The following TOMM20 variants were observed in gnomAD, a reference collection of about 807,000 sequenced individuals.
TOMM20 encodes the protein mitochondrial import receptor subunit TOM20 homolog.
A neutral mutation model predicts 22.1 loss-of-function variants in TOMM20; 10 were observed. That is an observed-to-expected ratio of 0.45 (90% CI 0.28 to 0.77). TOMM20 has a LOEUF of 0.77. Among genes scored for constraint, TOMM20 ranks in the 30% least tolerant of loss-of-function variants. The probability of loss-of-function intolerance (pLI) is 0.13; values close to 1 mark genes in which losing one functional copy is unlikely to be tolerated. For missense variants in TOMM20, 121 were observed against 172.2 expected, an observed-to-expected ratio of 0.70 and a Z score of 1.66; for synonymous variants, 55 against 61.4, an observed-to-expected ratio of 0.90 and a Z score of 0.49.
At chr1:235,124,859 T>C (rs1164046038) in intron 1 of TOMM20, among the ~76,000 whole-genome samples, 1 of 152,242 alleles carries the variant, frequency 6.6e-6, no homozygotes, top group African/African-American at 2.4e-5. Flanking sequence ...TAATGCAGTA[T>C]TTCTGTGATA....
chr1:235,111,912 C>G lies in TOMM20; in HGVS notation c.*152G>C, dbSNP rs1279417157. The G allele has an allele frequency of 1.2e-5, 8 of 692,606 alleles. No individual in the cohort carries two copies. Among genetic ancestry groups the G allele is most frequent in the Non-Finnish European group, 2.0e-5 (8 of 394,066 alleles). 42.9% of individuals were successfully genotyped at this position (692,606 alleles called of 1,614,324 possible). ...CACTGGGAAAAATAAATAAAATAGACAAATGGATCTACACAAAGTAAACAT... is the reference window on the plus strand; with the variant it reads ...CACTGGGAAAAATAAATAAAATAGAGAAATGGATCTACACAAAGTAAACAT... On this transcript the variant is annotated 3_prime_UTR_variant, in exon 5 of 5. Coordinates refer to ENST00000366607, the MANE Select transcript of TOMM20 (RefSeq NM_014765.3).
chr1:235,109,476 C>T lies in TOMM20; in HGVS notation c.*2588G>A, dbSNP rs1467553062. ...ATTTTCTCAATCTCTTCTGCAATAA[C>T]ATCTCATTAACACTCTGGTCCACAT... On this transcript the variant is annotated 3_prime_UTR_variant, in exon 5 of 5. Coordinates refer to ENST00000366607, the MANE Select transcript of TOMM20 (RefSeq NM_014765.3). 6.6e-6 allele frequency: 1 copy of T among 152,220 alleles called. No homozygotes were observed. The highest frequency in any genetic ancestry group is 1.5e-5 in the Non-Finnish European group (1 of 68,030). 9.4% of individuals were successfully genotyped at this position (152,220 alleles called of 1,614,324 possible).
At chr1:235,116,411 T>C (rs1660829031) in intron 3 of TOMM20, among the ~76,000 whole-genome samples, 1 of 151,922 alleles carries the variant, frequency 6.6e-6, no homozygotes, top group East Asian at 1.9e-4. Flanking sequence ...TGGTAGCACG[T>C]GCCTGTAGTC....
rs1487599305 is a variant in TOMM20, at chr1:235,128,624, T to G, written c.92A>C (p.Asp31Ala). ...CIYFDRKRRS[D>A]PNFKNRLRER... ...TCGAAGCCTGTTCTTGAAGTTGGGG[T>G]CACTTCGTCTTTTGCGGTCGAAGTA... Residue 31 changes from aspartate to alanine, a missense_variant, in exon 1 of 5, where the codon GAC (aspartate) becomes GCC (alanine). Coordinates refer to ENST00000366607, the MANE Select transcript of TOMM20 (RefSeq NM_014765.3). The G allele has an allele frequency of 6.2e-7, 1 of 1,613,154 alleles. No homozygotes were observed. The highest frequency in any genetic ancestry group is 8.5e-7 in the Non-Finnish European group (1 of 1,179,954).
Position 235,119,825 on chromosome 1 carries a change from T to C in TOMM20, c.243A>G (p.Leu81=), listed in dbSNP as rs1465525762. Residue 81 remains leucine, a synonymous_variant, in exon 3 of 5, where the codon CTA becomes CTG. Transcript: ENST00000366607. ...LEEIQLGEEL[L]AQGEYEKGVD... ...CTTTTCAATGACTATTACCTTGAGC[T>C]AGTAACTCTTCACCAAGCTGTATTT... The C allele has an allele frequency of 3.1e-6, 5 of 1,610,334 alleles. No individual in the cohort carries two copies. The African/African-American group carries it at 5.3e-5, about 17-fold the overall frequency.
intron 4 of TOMM20, 99 bp from the exon 5 acceptor site, chr1:235,112,207 T>A: frequency 1.0e-6 from 1 of 962,802 alleles, no homozygotes. Flanking sequence ...GAATTGAATC[T>A]TAGTAAAGTT....
chr1:235,124,866 G>A (rs1443783973), intron 1 of TOMM20, among the ~76,000 whole-genome samples: 1 of 152,124 alleles, frequency 6.6e-6, no homozygotes, highest in East Asian at 1.9e-4. Flanking sequence ...GTATTTCTGT[G>A]ATAAAGGGAC....
intron 4 of TOMM20, among the ~76,000 whole-genome samples, chr1:235,113,183 T>G (rs936923756): frequency 6.6e-6 from 1 of 152,220 alleles, no homozygotes; most frequent in East Asian, 1.9e-4. Context: ...GAGAAAGCAT[T>G]TTCATTAACT....
At chr1:235,122,233 T>TTTTCCAATTACATTTTAATTACA in intron 2 of TOMM20, 93 bp downstream of exon 2, 1 of 1,202,050 alleles carries the variant, frequency 8.3e-7, no homozygotes, top group Non-Finnish European at 1.1e-6. Context: ...TCAACTAGCT[T>TTTTCCAATTACATTTTAATTACA]TTTCCAATTA....
intron 3 of TOMM20, among the ~76,000 whole-genome samples, chr1:235,116,927 A>G (rs1158903960): frequency 1.3e-5 from 2 of 150,102 alleles, no homozygotes; most frequent in African/African-American, 2.5e-5. Flanking sequence ...CAAGGTCAGG[A>G]GATCGAGACC....
In TOMM20 at chr1:235,111,051, G is replaced by A. The variant is rs1454812770; in HGVS notation, c.*1013C>T. Reference sequence around the variant, plus strand: ...CAAAAGGCAACAAGCATTTTTACAAGCAGATCATCCCAGTTACCTTAAAAG... The same window carrying A: ...CAAAAGGCAACAAGCATTTTTACAAACAGATCATCCCAGTTACCTTAAAAG... On this transcript the variant is annotated 3_prime_UTR_variant, in exon 5 of 5. Transcript: ENST00000366607. 6.6e-6 allele frequency: 1 copy of A among 152,158 alleles called. No homozygotes were observed. Among genetic ancestry groups the A allele is most frequent in the African/African-American group, 2.4e-5 (1 of 41,434 alleles). The allele number at this position is 152,158 out of a possible 1,614,324, so 9.4% of individuals were successfully genotyped here. A position where few individuals can be genotyped will look rare whatever the true frequency, so the allele number is the denominator to read the frequency against.
At chr1:235,125,166 T>C (rs1245339257) in intron 1 of TOMM20, among the ~76,000 whole-genome samples, 5 of 152,208 alleles carry the variant, frequency 3.3e-5, no homozygotes, top group African/African-American at 1.2e-4. Flanking sequence ...GATCCCAAAT[T>C]TAACCTCAAG....
At chr1:235,127,624 C>CTTTAG (rs1377594840) in intron 1 of TOMM20, among the ~76,000 whole-genome samples, 6 of 152,200 alleles carry the variant, frequency 3.9e-5, no homozygotes, top group African/African-American at 1.4e-4. Flanking sequence ...GCTTTAGTAA[C>CTTTAG]TTACGTATCA....
chr1:235,111,416 G>A lies in TOMM20; in HGVS notation c.*648C>T, dbSNP rs1268130986. 6.6e-6 allele frequency: 1 copy of A among 152,314 alleles called. No individual in the cohort carries two copies. Among genetic ancestry groups the A allele is most frequent in the African/African-American group, 2.4e-5 (1 of 41,422 alleles). 9.4% of individuals were successfully genotyped at this position (152,314 alleles called of 1,614,324 possible). A position where few individuals can be genotyped will look rare whatever the true frequency, so the allele number is the denominator to read the frequency against. On this transcript the variant is annotated 3_prime_UTR_variant, in exon 5 of 5. Transcript: ENST00000366607. ...AGGGGTGTACAGAAATCTAATTCCT[G>A]GTGCTATTTGCAACTACATATATTT... is the stretch of plus-strand genomic sequence containing the variant.
intron 4 of TOMM20, among the ~76,000 whole-genome samples, 197 bp downstream of exon 4, chr1:235,113,571 C>A (rs1660777342): frequency 6.6e-6 from 1 of 152,170 alleles, no homozygotes; most frequent in Non-Finnish European, 1.5e-5. Context: ...ACCTCCAGGG[C>A]ACAATCACTA....
chr1:235,118,775 T>C (rs1660877965), intron 3 of TOMM20, among the ~76,000 whole-genome samples: 1 of 152,170 alleles, frequency 6.6e-6, no homozygotes, highest in Non-Finnish European at 1.5e-5. Flanking sequence ...TCCTCCTGCC[T>C]CAGTTCCCCA....
In TOMM20 at chr1:235,110,047, C is replaced by T. The variant is rs370242903; in HGVS notation, c.*2017G>A. On this transcript the variant is annotated 3_prime_UTR_variant, in exon 5 of 5. Coordinates refer to ENST00000366607, the MANE Select transcript of TOMM20 (RefSeq NM_014765.3). ...CACAGCTAGCTTTAAAAAGTGGTAC[C>T]TCATTTTAAAGCACCAAAGTTGTCA... 3 of 152,284 alleles carry T rather than the reference C, an allele frequency of 2.0e-5. No homozygotes were observed. Among genetic ancestry groups the T allele is most frequent in the African/African-American group, 7.2e-5 (3 of 41,536 alleles). 9.4% of individuals were successfully genotyped at this position (152,284 alleles called of 1,614,324 possible). A position where few individuals can be genotyped will look rare whatever the true frequency, so the allele number is the denominator to read the frequency against.
At chr1:235,119,728 C>T in intron 3 of TOMM20, 90 bp downstream of exon 3, 1 of 815,104 alleles carries the variant, frequency 1.2e-6, no homozygotes, top group Non-Finnish European at 1.9e-6. Context: ...TTCTAACAGC[C>T]AAATTACACA....
rs747575050 is a variant in TOMM20 at position 235,115,949 on chromosome 1, C to T, written c.251-2039G>A. Among the ~76,000 whole-genome samples, 7 of 152,334 alleles carry T rather than the reference C, an allele frequency of 4.6e-5. No individual in the cohort carries two copies. The Middle Eastern group carries it at 0.014, about 296-fold the overall frequency. On this transcript the variant is annotated intron_variant, in intron 3 of 4. Coordinates refer to ENST00000366607, the MANE Select transcript of TOMM20 (RefSeq NM_014765.3). ...TACATGTGTCCCCTTTCTGCATTGC[C>T]ATAGGAACTGTGGCTCGGGAAACCA...
Sources: allele counts gnomAD v4.1 joint callset (sites outside exome capture counted in the v4.1 genomes callset), GRCh38; gene constraint gnomAD v4.1.1; transcripts MANE v1.5; gene names NCBI Gene and HGNC (gene_info 2026-07-23, HGNC 2026-07-21).